The following IRAK1BP1 variants were observed in gnomAD, a reference collection of about 807,000 sequenced individuals.
IRAK1BP1 encodes interleukin-1 receptor-associated kinase 1-binding protein 1.
IRAK1BP1 carries 24 observed loss-of-function variants against 28.0 expected under a neutral mutation model. The observed-to-expected ratio is 0.86, with a 90% CI of 0.62 to 1.20. IRAK1BP1 has a LOEUF of 1.20. Ranked by LOEUF, IRAK1BP1 falls within the 50% of genes most tolerant of loss-of-function variation. IRAK1BP1 has a pLI of 0.00. For synonymous variants in IRAK1BP1, 131 were observed against 116.3 expected (o/e 1.13, Z -0.81); for missense variants, 336 against 316.7 (o/e 1.06, Z -0.46).
intron 4 of IRAK1BP1, chr6:78,941,310 G>C (rs557254495): frequency 6.2e-7 from 1 of 1,613,246 alleles, no homozygotes; most frequent in South Asian, 1.1e-5. Context: ...CCTGGTACAA[G>C]AGCGTTGTTC....
At chr6:78,913,073 C>T (rs1011108154) in intron 4 of IRAK1BP1, among the ~76,000 whole-genome samples, 12 of 152,168 alleles carry the variant, frequency 7.9e-5, no homozygotes, top group African/African-American at 2.7e-4. Flanking sequence ...CGGTAGCTCA[C>T]GCCTGTAATC....
chr6:78,890,022 A>G (rs1320214949), intron 2 of IRAK1BP1, among the ~76,000 whole-genome samples: 2 of 152,172 alleles, frequency 1.3e-5, no homozygotes, highest in African/African-American at 2.4e-5. Flanking sequence ...AACCAACCCA[A>G]ATGCCCATCA....
chr6:78,946,436 G>A lies in IRAK1BP1; in HGVS notation c.*1096G>A, dbSNP rs905380759. ...GAAAGTGAATATTTAGTGAAGGATC[G>A]CTGTAAATGCTAAAGTTATATGACG... On this transcript the variant is annotated 3_prime_UTR_variant and NMD_transcript_variant, in exon 5 of 5. Coordinates refer to the IRAK1BP1 transcript ENST00000606868. 21 of 1,398,220 alleles carry A rather than the reference G, an allele frequency of 1.5e-5. No individual in the cohort carries two copies. The Admixed American group carries it at 1.9e-4, about 13-fold the overall frequency. The allele number at this position is 1,398,220 out of a possible 1,614,324, so 86.6% of individuals were successfully genotyped here.
rs1484027177 is a variant in IRAK1BP1 at position 78,901,260 on chromosome 6, A to G, written c.*2926A>G. ...AAGATGTTGTCTCCAAAAAAAACAA[A>G]AAAATCCTGTAAAGTATACAATCCT... On this transcript the variant is annotated 3_prime_UTR_variant, in exon 4 of 4. Coordinates refer to ENST00000369940, the MANE Select transcript of IRAK1BP1 (RefSeq NM_001010844.4). 6.6e-6 allele frequency: 1 copy of G among 152,088 alleles called. No individual in the cohort carries two copies. Among genetic ancestry groups the G allele is most frequent in the Non-Finnish European group, 1.5e-5 (1 of 67,996 alleles). 9.4% of individuals were successfully genotyped at this position (152,088 alleles called of 1,614,324 possible). A position where few individuals can be genotyped will look rare whatever the true frequency, so the allele number is the denominator to read the frequency against.
At chr6:78,949,971 G>A (rs190345850), downstream of IRAK1BP1, among the ~76,000 whole-genome samples, 3 of 152,228 alleles carry the variant, frequency 2.0e-5, no homozygotes, top group East Asian at 1.9e-4. Flanking sequence ...TTACAGGTGT[G>A]AGCCACCATG....
rs1331862361 is a variant in IRAK1BP1, at chr6:78,901,724, A to G, written c.*3390A>G. On this transcript the variant is annotated 3_prime_UTR_variant, in exon 4 of 4. Transcript: ENST00000369940. ...ATAATGAATTTTAGGATTCCATTCA[A>G]TTACATACTAAAAATTACATTTTTT... The G allele has an allele frequency of 1.3e-5, 2 of 152,178 alleles. No homozygotes were observed. Among genetic ancestry groups the G allele is most frequent in the East Asian group, 3.8e-4 (2 of 5,200 alleles). 9.4% of individuals were successfully genotyped at this position (152,178 alleles called of 1,614,324 possible).
At chr6:78,895,374 A>G (rs1010645415) in intron 2 of IRAK1BP1, among the ~76,000 whole-genome samples, 1 of 152,198 alleles carries the variant, frequency 6.6e-6, no homozygotes, top group African/African-American at 2.4e-5. Context: ...CTTTGAGGTC[A>G]GAAGATAACC....
the IRAK1BP1 span, chr6:78,961,545 A>G: frequency 5.6e-6 from 4 of 715,896 alleles, no homozygotes; most frequent in Non-Finnish European, 9.0e-6. Flanking sequence ...AATCTACTGA[A>G]TAAGATTCTA....
chr6:78,876,402 T>G, intron 1 of IRAK1BP1, among the ~76,000 whole-genome samples: 1 of 152,244 alleles, frequency 6.6e-6, no homozygotes, highest in Non-Finnish European at 1.5e-5. Context: ...TACACCCATA[T>G]TACTTAAGTA....
chr6:78,945,852 CTTTT>C lies in IRAK1BP1; in HGVS notation c.*517_*520del, dbSNP rs898858795. ...TCAATTTAATTCTTCTTATTAAAAA[CTTTT>C]TTTTAAAATAGGAAATTAATAAAGA... On this transcript the variant is annotated 3_prime_UTR_variant and NMD_transcript_variant, in exon 5 of 5. Transcript: ENST00000606868. 8 of 660,036 alleles carry C rather than the reference CTTTT, an allele frequency of 1.2e-5. No individual in the cohort carries two copies. In the African/African-American group the frequency reaches 1.5e-4, roughly 12 times the overall value. 40.9% of individuals were successfully genotyped at this position (660,036 alleles called of 1,614,324 possible).
the IRAK1BP1 span, chr6:78,970,275 C>G: frequency 1.0e-6 from 1 of 962,046 alleles, no homozygotes; most frequent in Non-Finnish European, 1.6e-6. Context: ...AAATCTTGAT[C>G]TGGATGGTGA....
At chr6:78,965,015 A>G in the IRAK1BP1 span, among the ~76,000 whole-genome samples, 478 of 152,288 alleles carry the variant, frequency 3.1e-3, 3 homozygotes, top group African/African-American at 0.011. Flanking sequence ...TTTGGTCCCA[A>G]CGTCCTTTTC....
the IRAK1BP1 span, among the ~76,000 whole-genome samples, chr6:78,966,334 A>C: frequency 6.6e-6 from 1 of 152,180 alleles, no homozygotes; most frequent in Non-Finnish European, 1.5e-5. Flanking sequence ...ATTTTTACCA[A>C]TCTAGCATTT....
the IRAK1BP1 span, among the ~76,000 whole-genome samples, chr6:78,975,268 A>G: frequency 1.8e-3 from 269 of 152,250 alleles, 1 homozygote; most frequent in African/African-American, 5.6e-3. Context: ...GCCAAAGACA[A>G]AAACCACATG....
intron 4 of IRAK1BP1, chr6:78,941,480 C>T: frequency 1.8e-6 from 1 of 547,284 alleles, no homozygotes; most frequent in Non-Finnish European, 3.2e-6. Flanking sequence ...CTAGAAAACA[C>T]TAATAGTTCA....
intron 2 of IRAK1BP1, among the ~76,000 whole-genome samples, chr6:78,896,066 A>C (rs1338215369): frequency 6.6e-6 from 1 of 152,178 alleles, no homozygotes; most frequent in Non-Finnish European, 1.5e-5. Flanking sequence ...AAACACTGCA[A>C]AGCATTCCAG....
intron 4 of IRAK1BP1, among the ~76,000 whole-genome samples, chr6:78,909,019 A>C (rs764442273): frequency 3.9e-5 from 6 of 152,226 alleles, no homozygotes; most frequent in Non-Finnish European, 8.8e-5. Context: ...TGTGAGGAGT[A>C]ATAGCATGAA....
intron 4 of IRAK1BP1, among the ~76,000 whole-genome samples, chr6:78,916,389 C>A (rs576619556): frequency 1.3e-5 from 2 of 152,050 alleles, no homozygotes; most frequent in Non-Finnish European, 2.9e-5. Context: ...CTTAGAGTTG[C>A]ATTTGGAGTA....
At chr6:78,922,512 C>T (rs982027798) in intron 4 of IRAK1BP1, among the ~76,000 whole-genome samples, 8 of 152,106 alleles carry the variant, frequency 5.3e-5, no homozygotes, top group African/African-American at 1.7e-4. Flanking sequence ...GGATATTATC[C>T]AGGAGAACTT....
Sources: allele counts gnomAD v4.1 joint callset (sites outside exome capture counted in the v4.1 genomes callset), GRCh38; gene constraint gnomAD v4.1.1; transcripts MANE v1.5; gene names NCBI Gene and HGNC (gene_info 2026-07-23, HGNC 2026-07-21).